PNISR: variants seen among roughly 807,000 people sequenced by gnomAD.
PNISR encodes arginine/serine-rich protein PNISR.
A neutral mutation model predicts 93.4 loss-of-function variants in PNISR; 20 were observed. The observed-to-expected ratio is 0.21, with a 90% CI of 0.15 to 0.31. The LOEUF (loss-of-function observed/expected upper bound fraction) is 0.31, where lower values mean the gene tolerates loss of function less well. Among genes scored for constraint, PNISR ranks in the 10% least tolerant of loss-of-function variants. PNISR has a pLI of 1.00. For synonymous variants in PNISR, 305 were observed against 306.5 expected, an observed-to-expected ratio of 0.99 and a Z score of 0.05; for missense variants, 893 against 985.4, an observed-to-expected ratio of 0.91 and a Z score of 1.25.
Position 99,419,519 on chromosome 6 carries a change from A to T in PNISR, c.-111-3091T>A, listed in dbSNP as rs140778501. On this transcript the variant is annotated intron_variant, in intron 1 of 11. Coordinates refer to ENST00000369239, the MANE Select transcript of PNISR (RefSeq NM_032870.4). ...TGTCCCTTTTCTACAAAATTTTAAT[A>T]TAAGTCCAAATTTCATTTTCATGAC... Among the ~76,000 whole-genome samples, 10 of 152,314 alleles carry T rather than the reference A, an allele frequency of 6.6e-5. No homozygotes were observed. The East Asian group carries it at 1.9e-3, about 29-fold the overall frequency.
At position 99,398,963 on chromosome 6, in the gene PNISR, CA is replaced by C. The variant is rs1775156472; in HGVS notation, c.*1576del. The C allele has an allele frequency of 6.6e-6, 1 of 152,008 alleles. No homozygotes were observed. Among genetic ancestry groups the C allele is most frequent in the African/African-American group, 2.4e-5 (1 of 41,416 alleles). The allele number at this position is 152,008 out of a possible 1,614,324, so 9.4% of individuals were successfully genotyped here. ...CCATTTTGGTAAACATGCATTTATT[CA>C]CAGTTGATTTATTTCCTTTAGATAA... On this transcript the variant is annotated 3_prime_UTR_variant, in exon 12 of 12. Coordinates refer to ENST00000369239, the MANE Select transcript of PNISR (RefSeq NM_032870.4).
chr6:99,401,071 A>T lies in PNISR; in HGVS notation c.1887T>A (p.Asn629Lys). 6.2e-7 allele frequency: 1 copy of T among 1,613,522 alleles called. No individual in the cohort carries two copies. Among genetic ancestry groups the T allele is most frequent in the Non-Finnish European group, 8.5e-7 (1 of 1,179,950 alleles). Reference protein sequence around the residue: ...SRSRSRDRRTNRASRSRSRDR... With the variant: ...SRSRSRDRRTKRASRSRSRDR... Reference sequence around the variant, plus strand: ...CTCGACTCCTACTGCGACTGGCACGATTGGTTCGTCTATCCCTTGAGCGAC... The same window carrying T: ...CTCGACTCCTACTGCGACTGGCACGTTTGGTTCGTCTATCCCTTGAGCGAC... The change falls in exon 12 of 12, where the codon AAT (asparagine) becomes AAA (lysine). Residue 629 changes from asparagine (N) to lysine (K), a missense_variant. By Grantham distance (94) the Asn-to-Lys change is moderately conservative. Coordinates refer to ENST00000369239, the MANE Select transcript of PNISR (RefSeq NM_032870.4).
intron 3 of PNISR, among the ~76,000 whole-genome samples, chr6:99,413,311 T>C (rs1777206806): frequency 6.6e-6 from 1 of 152,136 alleles, no homozygotes; most frequent in Non-Finnish European, 1.5e-5. Flanking sequence ...AGCCAGTCTT[T>C]ACTCAAAATT....
In PNISR at chr6:99,401,262, T is replaced by C. The variant is rs371964421; in HGVS notation, c.1696A>G (p.Ile566Val). 101 of 1,613,192 alleles carry C rather than the reference T, an allele frequency of 6.3e-5. No individual in the cohort carries two copies. In the South Asian group the frequency reaches 6.7e-4, roughly 11 times the overall value. The change falls in exon 12 of 12, where the codon ATC becomes GTC. Residue 566 changes from isoleucine to valine, a missense_variant. By Grantham distance (29) the Ile-to-Val change is conservative (BLOSUM62 3). Transcript: ENST00000369239. Reference protein sequence around the residue: ...KRHSRSRSPTIKARRSRSRSY... With the variant: ...KRHSRSRSPTVKARRSRSRSY... ...CTACTCCTGCTACGTCTAGCTTTGA[T>C]TGTTGGAGATCTACTCCTACTGTGT...
chr6:99,399,999 C>G lies in PNISR; in HGVS notation c.*541G>C, dbSNP rs1168934425. ...ATGAACTAAAGAGCTTTATTGACAT[C>G]ACAGTACATTCAAGAATAATTTTAA... On this transcript the variant is annotated 3_prime_UTR_variant, in exon 12 of 12. Transcript: ENST00000369239. The G allele has an allele frequency of 6.6e-6, 1 of 152,058 alleles. No homozygotes were observed. Among genetic ancestry groups the G allele is most frequent in the Non-Finnish European group, 1.5e-5 (1 of 68,054 alleles). The allele number at this position is 152,058 out of a possible 1,614,324, so 9.4% of individuals were successfully genotyped here.
intron 4 of PNISR, 41 bp downstream of exon 4, chr6:99,412,510 T>C: frequency 2.2e-6 from 3 of 1,391,124 alleles, no homozygotes; most frequent in Non-Finnish European, 3.0e-6. Context: ...TTCATTCTGT[T>C]TTTTAAAAGT....
At chr6:99,421,323 T>C (rs1249656240) in intron 1 of PNISR, among the ~76,000 whole-genome samples, 1 of 152,158 alleles carries the variant, frequency 6.6e-6, no homozygotes, top group Non-Finnish European at 1.5e-5. Flanking sequence ...CTATCACCAG[T>C]GTTATGGAAT....
At chr6:99,406,517 A>G (rs978101244) in intron 7 of PNISR, among the ~76,000 whole-genome samples, 1 of 152,190 alleles carries the variant, frequency 6.6e-6, no homozygotes, top group African/African-American at 2.4e-5. Flanking sequence ...TGAGACACTT[A>G]TAGAACTTTG....
At chr6:99,404,119 GTC>G in intron 9 of PNISR, 1 of 489,190 alleles carries the variant, frequency 2.0e-6, no homozygotes, top group East Asian at 3.4e-5. Flanking sequence ...ATATCTGTAT[GTC>G]TACTTCTGAG....
intron 6 of PNISR, among the ~76,000 whole-genome samples, 166 bp downstream of exon 6, chr6:99,409,007 G>A (rs1325532504): frequency 6.6e-6 from 1 of 152,084 alleles, no homozygotes; most frequent in African/African-American, 2.4e-5. Context: ...TTTAATTTCA[G>A]ACCAGTATCA....
At position 99,425,205 on chromosome 6, in the gene PNISR, C is replaced by T; in HGVS notation, c.-112+10G>A. 1 of 1,230,862 alleles carries T rather than the reference C, an allele frequency of 8.1e-7. No individual in the cohort carries two copies. The highest frequency in any genetic ancestry group is 4.2e-5 in the Admixed American group (1 of 23,726). 76.2% of individuals were successfully genotyped at this position (1,230,862 alleles called of 1,614,324 possible). A position where few individuals can be genotyped will look rare whatever the true frequency, so the allele number is the denominator to read the frequency against. The stretch of plus-strand genomic sequence containing the variant: ...CAAGTGCCCACGTATAATTGTTCTC[C>T]ATCACTTACCCACTCTAGTTCGGGA... On this transcript the variant is annotated intron_variant, in intron 1 of 11. Transcript: ENST00000369239.
chr6:99,413,391 T>TATCCATCC lies in PNISR; in HGVS notation c.89-660_89-653dup, dbSNP rs34008318. 7.7e-3 allele frequency among the ~76,000 whole-genome samples: 1,155 copies of TATCCATCC among 149,610 alleles called. 4 individuals are homozygous for TATCCATCC. Among genetic ancestry groups the TATCCATCC allele is most frequent in the Middle Eastern group, 0.017 (5 of 288 alleles). On this transcript the variant is annotated intron_variant, in intron 3 of 11. Coordinates refer to ENST00000369239, the MANE Select transcript of PNISR (RefSeq NM_032870.4). ...TTTAATTTCTAAATTTTTACGTATCTATCCATCCATCCATCCATCCATCCA... is the reference window on the plus strand; with the variant it reads ...TTTAATTTCTAAATTTTTACGTATCTATCCATCCATCCATCCATCCATCCATCCATCCA...
intron 4 of PNISR, chr6:99,412,111 A>C (rs1280738397): frequency 3.2e-6 from 1 of 309,336 alleles, no homozygotes; most frequent in African/African-American, 2.2e-5. Context: ...AAAGGGAAGA[A>C]AAAGGTAGGC....
At chr6:99,416,658 C>T (rs1777740344) in intron 1 of PNISR, among the ~76,000 whole-genome samples, 2 of 152,056 alleles carry the variant, frequency 1.3e-5, no homozygotes, top group South Asian at 4.1e-4. Flanking sequence ...CTTTTATTTA[C>T]TTGAACAATT....
chr6:99,402,503 A>T (rs1247155976), intron 11 of PNISR, 37 bp downstream of exon 11: 2 of 1,442,638 alleles, frequency 1.4e-6, no homozygotes, highest in Non-Finnish European at 1.9e-6. Flanking sequence ...AGAAATACAA[A>T]ACTGGACCAA....
At chr6:99,407,331 A>G (rs1374955123) in intron 7 of PNISR, among the ~76,000 whole-genome samples, 7 of 114,912 alleles carry the variant, frequency 6.1e-5, no homozygotes, top group African/African-American at 1.8e-4. Context: ...CCAACTGCCT[A>G]AAAAGACAAA....
At chr6:99,408,804 G>C (rs908627505) in intron 6 of PNISR, among the ~76,000 whole-genome samples, 1 of 152,150 alleles carries the variant, frequency 6.6e-6, no homozygotes, top group Non-Finnish European at 1.5e-5. Flanking sequence ...TCTGACAGCA[G>C]TGCATCAGAT....
At chr6:99,403,283 C>A (rs562598195) in intron 10 of PNISR, 1 of 152,280 alleles carries the variant, frequency 6.6e-6, no homozygotes, top group African/African-American at 2.4e-5. Context: ...GTGGAAAAGG[C>A]AAATTCAAGC....
rs146519753 is a variant in PNISR at position 99,401,455 on chromosome 6, T to C, written c.1503A>G (p.Glu501=). The C allele has an allele frequency of 6.3e-5, 101 of 1,609,532 alleles. No homozygotes were observed. The highest frequency in any genetic ancestry group is 7.9e-5 in the Non-Finnish European group (93 of 1,178,752). Residue 501 remains glutamate, a synonymous_variant, in exon 12 of 12, where the codon GAA becomes GAG. Coordinates refer to ENST00000369239, the MANE Select transcript of PNISR (RefSeq NM_032870.4). ...ACCTACTCCTTCCTTGTTTTTCTTT[T>C]TCTTTATGCTCTTTTTTTGGTTCTA... ...SVLEPKKEHK[E]KEKQGRSRSG...
Sources: gnomAD v4.1 joint callset for allele counts (sites outside exome capture counted in the v4.1 genomes callset) on GRCh38, gnomAD v4.1.1 for gene constraint, MANE v1.5 for transcripts, NCBI Gene and HGNC (gene_info 2026-07-23, HGNC 2026-07-21) for gene names.